Variants in HDAC4 observed in about 807,000 individuals in gnomAD.
HDAC4 encodes the protein histone deacetylase 4.
A neutral mutation model predicts 135.1 loss-of-function variants in HDAC4; 16 were observed. That is an observed-to-expected ratio of 0.12 (90% CI 0.08 to 0.18). The LOEUF is 0.18. HDAC4 is among the 10% of genes least tolerant of loss of function. The pLI is 1.00. For synonymous variants in HDAC4, 685 were observed against 653.4 expected, an observed-to-expected ratio of 1.05 and a Z score of -0.74; for missense variants, 1,143 against 1,511.8, an observed-to-expected ratio of 0.76 and a Z score of 4.05.
intron 2 of HDAC4, among the ~76,000 whole-genome samples, chr2:239,312,899 C>A (rs1020922602): frequency 1.3e-5 from 2 of 152,212 alleles, no homozygotes; most frequent in African/African-American, 4.8e-5. Context: ...GACCGGGAGC[C>A]TCTGAAGACC....
In HDAC4 at chr2:239,183,967, G is replaced by A. The variant is rs748860286; in HGVS notation, c.339+5866C>T. Reference sequence around the variant, plus strand: ...GAAGAGTCACACTATCAACTAAACAGCTCTGAAAACTCTCTCCTATCCACT... The same window carrying A: ...GAAGAGTCACACTATCAACTAAACAACTCTGAAAACTCTCTCCTATCCACT... On this transcript the variant is annotated intron_variant, in intron 4 of 26. Transcript: ENST00000543185. 9.5e-5 allele frequency among the ~76,000 whole-genome samples: 14 copies of A among 147,768 alleles called. 1 individual carries two copies. Among genetic ancestry groups the A allele is most frequent in the Non-Finnish European group, 2.1e-4 (14 of 67,524 alleles).
At chr2:239,288,701 C>A (rs1249778343) in intron 2 of HDAC4, among the ~76,000 whole-genome samples, 1 of 149,998 alleles carries the variant, frequency 6.7e-6, no homozygotes, top group Non-Finnish European at 1.5e-5. Context: ...AAAAACAAAA[C>A]AACTACAATC....
At chr2:239,361,639 A>G (rs7590833) in intron 1 of HDAC4, among the ~76,000 whole-genome samples, 48,050 of 152,160 alleles carry the variant, frequency 0.32, 9,173 homozygotes, top group East Asian at 0.83. Flanking sequence ...GCGCTATCTG[A>G]AGCCCACGAG....
intron 11 of HDAC4, among the ~76,000 whole-genome samples, chr2:239,130,232 G>A (rs1367709205): frequency 6.6e-6 from 1 of 152,244 alleles, no homozygotes; most frequent in Non-Finnish European, 1.5e-5. Context: ...TGGGGATGGA[G>A]CTGAGGCCAG....
chr2:239,350,962 C>A (rs1473429269), intron 2 of HDAC4, among the ~76,000 whole-genome samples: 1 of 152,164 alleles, frequency 6.6e-6, no homozygotes, highest in East Asian at 1.9e-4. Context: ...TTAAAATAAT[C>A]AAGTGTACTC....
chr2:239,177,525 C>A (rs188610799), intron 4 of HDAC4, among the ~76,000 whole-genome samples: 2 of 152,304 alleles, frequency 1.3e-5, no homozygotes, highest in East Asian at 1.9e-4. Flanking sequence ...AACGCCCCAG[C>A]GGGTGGAGTG....
chr2:239,317,738 G>A (rs2053166490), intron 2 of HDAC4, among the ~76,000 whole-genome samples: 1 of 152,160 alleles, frequency 6.6e-6, no homozygotes, highest in African/African-American at 2.4e-5. Flanking sequence ...CACATTTCAC[G>A]TTGTCCACAG....
Position 239,331,653 on chromosome 2 carries a change from C to A in HDAC4, c.22+21025G>T, listed in dbSNP as rs893732525. The stretch of plus-strand genomic sequence containing the variant: ...CCAGGGCTGCACTGGACCCACCGTG[C>A]GGGGACTGCCAGGTAAACCTCAGCT... On this transcript the variant is annotated intron_variant, in intron 2 of 26. Transcript: ENST00000543185. This position sits in a 1 kb window ranked among gnomAD's most constrained non-coding sequence, Gnocchi z 4.5. 6.6e-6 allele frequency among the ~76,000 whole-genome samples: 1 copy of A among 152,126 alleles called. No individual in the cohort carries two copies. The highest frequency in any genetic ancestry group is 2.4e-5 in the African/African-American group (1 of 41,418).
intron 24 of HDAC4, among the ~76,000 whole-genome samples, chr2:239,056,538 T>A (rs969044369): frequency 1.3e-5 from 2 of 152,060 alleles, no homozygotes; most frequent in Non-Finnish European, 2.9e-5. Context: ...TGACCCAAAG[T>A]GTAAGAAAGA....
At chr2:239,274,039 T>C (rs2050208995) in intron 2 of HDAC4, among the ~76,000 whole-genome samples, 1 of 152,178 alleles carries the variant, frequency 6.6e-6, no homozygotes, top group African/African-American at 2.4e-5. Flanking sequence ...TTTGGAACAA[T>C]ACAGTGAGGC....
At chr2:239,236,726 G>T in intron 2 of HDAC4, 62 bp from the exon 3 acceptor site, 2 of 1,267,026 alleles carry the variant, frequency 1.6e-6, no homozygotes, top group Non-Finnish European at 2.3e-6. Context: ...CATACTTTAT[G>T]CTGGGAGTCT....
intron 22 of HDAC4, among the ~76,000 whole-genome samples, chr2:239,076,123 C>A (rs930517111): frequency 6.6e-6 from 1 of 151,112 alleles, no homozygotes; most frequent in African/African-American, 2.4e-5. Flanking sequence ...AAAGCTGGGC[C>A]GGGATAGCAG....
chr2:239,180,064 G>A (rs1278769592), intron 4 of HDAC4, among the ~76,000 whole-genome samples: 3 of 152,196 alleles, frequency 2.0e-5, no homozygotes, highest in Non-Finnish European at 4.4e-5. Context: ...GGCGGTGTGT[G>A]TCCGGGAACA....
At chr2:239,282,686 TA>T (rs2050868522) in intron 2 of HDAC4, among the ~76,000 whole-genome samples, 1 of 144,804 alleles carries the variant, frequency 6.9e-6, no homozygotes, top group African/African-American at 2.6e-5. Context: ...CACACCACTC[TA>T]CAATGTACAC....
At position 239,382,459 on chromosome 2, in the gene HDAC4, C is replaced by T. The variant is rs186478317; in HGVS notation, c.-220+18519G>A. On this transcript the variant is annotated intron_variant, in intron 1 of 26. Transcript: ENST00000543185. ...ACTGGAAATGCTTTAATAAAACTCT[C>T]AGGCAATACAAGATACACATTTTCT... Among the ~76,000 whole-genome samples, 920 of 152,342 alleles carry T rather than the reference C, an allele frequency of 6.0e-3. 10 individuals are homozygous for T. The highest frequency in any genetic ancestry group is 0.021 in the African/African-American group (878 of 41,572).
chr2:239,221,120 C>T (rs1004633085), intron 3 of HDAC4, among the ~76,000 whole-genome samples: 2 of 152,182 alleles, frequency 1.3e-5, no homozygotes, highest in East Asian at 3.9e-4. Context: ...CGTTTACAGG[C>T]GCCTTAAATG....
chr2:239,260,514 C>G (rs1419797675), intron 2 of HDAC4, among the ~76,000 whole-genome samples: 1 of 152,144 alleles, frequency 6.6e-6, no homozygotes, highest in Non-Finnish European at 1.5e-5. Context: ...CAGAATGCCC[C>G]AAACCGGCCT....
intron 15 of HDAC4, among the ~76,000 whole-genome samples, chr2:239,105,508 T>C (rs1460947991): frequency 6.6e-6 from 1 of 152,174 alleles, no homozygotes; most frequent in Non-Finnish European, 1.5e-5. Flanking sequence ...GGGAGCCACG[T>C]CTTGCTGGGC....
At chr2:239,066,624 C>T in intron 24 of HDAC4, 98 bp downstream of exon 24, 1 of 1,543,686 alleles carries the variant, frequency 6.5e-7, no homozygotes, top group African/African-American at 1.4e-5. Context: ...GTCAGAGACC[C>T]ACTGGCTTTT....
Sources: allele counts gnomAD v4.1 joint callset (sites outside exome capture counted in the v4.1 genomes callset), GRCh38; gene constraint gnomAD v4.1.1; non-coding constraint Gnocchi (gnomAD v3.1); transcripts MANE v1.5; gene names NCBI Gene and HGNC (gene_info 2026-07-23, HGNC 2026-07-21).